RALYL: variants seen among roughly 807,000 people sequenced by gnomAD.
The protein encoded by RALYL is RNA-binding Raly-like protein.
Under a neutral mutation model 35.1 loss-of-function variants are expected in RALYL, and 29 were observed. The ratio of observed to expected loss-of-function variants is 0.83; its 90% CI spans 0.61 to 1.13. RALYL has a LOEUF of 1.13. Among genes scored for constraint, RALYL ranks in the 50% most tolerant of loss-of-function variants. The pLI is 0.00. For synonymous variants in RALYL, 120 were observed against 127.6 expected (o/e 0.94, Z 0.40); for missense variants, 359 against 360.4 (o/e 1.00, Z 0.03).
At chr8:84,354,049 T>C (rs1851398648) in intron 1 of RALYL, among the ~76,000 whole-genome samples, 1 of 138,940 alleles carries the variant, frequency 7.2e-6, no homozygotes, top group South Asian at 2.2e-4. Context: ...AGGGAATCAC[T>C]ATTTTTAAAA....
chr8:84,419,531 T>G (rs1181144696), intron 1 of RALYL, among the ~76,000 whole-genome samples: 1 of 151,816 alleles, frequency 6.6e-6, no homozygotes, highest in Non-Finnish European at 1.5e-5. Context: ...TACTACAAAT[T>G]TATGGTCTTA....
intron 6 of RALYL, among the ~76,000 whole-genome samples, chr8:84,866,456 GCTA>G (rs1839191397): frequency 6.6e-6 from 1 of 152,118 alleles, no homozygotes; most frequent in Non-Finnish European, 1.5e-5. Flanking sequence ...GTTAATTATT[GCTA>G]CTACTATAAT....
intron 2 of RALYL, among the ~76,000 whole-genome samples, chr8:84,567,108 A>G (rs2061834381): frequency 6.6e-6 from 1 of 151,838 alleles, no homozygotes; most frequent in South Asian, 2.1e-4. Flanking sequence ...TTGTTGAGTT[A>G]TATGAGTTAT....
At chr8:84,300,289 G>C (rs944184347) in intron 1 of RALYL, among the ~76,000 whole-genome samples, 1 of 151,910 alleles carries the variant, frequency 6.6e-6, no homozygotes, top group Admixed American at 6.6e-5. Context: ...TTGTTGCACT[G>C]TAGTCTGAGA....
chr8:84,425,113 G>T (rs55746503), intron 1 of RALYL, among the ~76,000 whole-genome samples: 4,183 of 152,320 alleles, frequency 0.027, 88 homozygotes, highest in Non-Finnish European at 0.041. Context: ...GTTTACCTAA[G>T]CAAGCCTGGG....
chr8:84,452,193 A>G (rs915914001), intron 1 of RALYL, among the ~76,000 whole-genome samples: 1 of 150,624 alleles, frequency 6.6e-6, no homozygotes, highest in African/African-American at 2.4e-5. Context: ...GACCTTTCCA[A>G]CTTTGCTCAG....
At chr8:84,497,875 T>C (rs2056235072) in intron 1 of RALYL, among the ~76,000 whole-genome samples, 1 of 151,922 alleles carries the variant, frequency 6.6e-6, no homozygotes, top group African/African-American at 2.4e-5. Flanking sequence ...TCTCCTGACC[T>C]TGTGATCTGC....
At chr8:84,919,271 G>A (rs1198599979) in intron 8 of RALYL, among the ~76,000 whole-genome samples, 1 of 152,006 alleles carries the variant, frequency 6.6e-6, no homozygotes, top group East Asian at 1.9e-4. Context: ...TTGCACACAA[G>A]TGGTATCTAT....
At chr8:84,639,475 A>G (rs1200821498) in intron 2 of RALYL, among the ~76,000 whole-genome samples, 3 of 151,986 alleles carry the variant, frequency 2.0e-5, no homozygotes, top group Non-Finnish European at 2.9e-5. Context: ...GAGGAAAGGT[A>G]TAGTGAAACT....
chr8:84,391,779 A>C (rs1358083137), intron 1 of RALYL, among the ~76,000 whole-genome samples: 1 of 152,024 alleles, frequency 6.6e-6, no homozygotes, highest in African/African-American at 2.4e-5. Context: ...GCTCATTCTG[A>C]GACTTCAGTA....
At position 84,469,409 on chromosome 8, in the gene RALYL, G is replaced by T. The variant is rs375553491; in HGVS notation, c.-23-59890G>T. ...CTGTTGGAGTACCCTGCCGTGTGAG[G>T]TGTCAGTGTGCCCCTGCTGGGGGGT... is the stretch of plus-strand genomic sequence containing the variant. On this transcript the variant is annotated intron_variant, in intron 1 of 8. Coordinates refer to ENST00000521268, the MANE Select transcript of RALYL (RefSeq NM_173848.7). Among the ~76,000 whole-genome samples, 111 of 152,266 alleles carry T rather than the reference G, an allele frequency of 7.3e-4. 1 individual carries two copies. In the East Asian group the frequency reaches 0.019, roughly 26 times the overall value.
intron 1 of RALYL, among the ~76,000 whole-genome samples, chr8:84,335,246 C>G (rs750551428): frequency 6.6e-6 from 1 of 152,136 alleles, no homozygotes; most frequent in African/African-American, 2.4e-5. Context: ...TGGCCTCTTA[C>G]GACATATTCT....
intron 2 of RALYL, among the ~76,000 whole-genome samples, chr8:84,730,053 A>T (rs963436775): frequency 1.3e-5 from 2 of 152,196 alleles, no homozygotes; most frequent in Admixed American, 6.6e-5. Context: ...CATCATCCTG[A>T]TACCAAAGCT....
At chr8:84,398,080 G>A (rs7824561) in intron 1 of RALYL, among the ~76,000 whole-genome samples, 7,381 of 152,232 alleles carry the variant, frequency 0.048, 395 homozygotes, top group African/African-American at 0.13. Context: ...TTTAAGTGTA[G>A]AGAATGGCAC....
At chr8:84,749,925 G>A (rs1461570875) in intron 2 of RALYL, among the ~76,000 whole-genome samples, 2 of 152,160 alleles carry the variant, frequency 1.3e-5, no homozygotes, top group African/African-American at 4.8e-5. Flanking sequence ...GTGGAACCCT[G>A]AGAGGCAGCT....
chr8:84,845,898 C>A (rs1006623684), intron 4 of RALYL, among the ~76,000 whole-genome samples: 1 of 152,060 alleles, frequency 6.6e-6, no homozygotes, highest in African/African-American at 2.4e-5. Flanking sequence ...CTAGGGAGTC[C>A]TTTCCTTATT....
chr8:84,888,685 A>G (rs928782255), intron 8 of RALYL, among the ~76,000 whole-genome samples: 3 of 152,142 alleles, frequency 2.0e-5, no homozygotes, highest in African/African-American at 7.2e-5. Flanking sequence ...CATAGATTCT[A>G]TATTAACTTT....
intron 2 of RALYL, among the ~76,000 whole-genome samples, chr8:84,598,683 C>T (rs896229002): frequency 3.3e-5 from 5 of 152,092 alleles, no homozygotes; most frequent in African/African-American, 1.2e-4. Flanking sequence ...GAGGACTTTA[C>T]ATAATACTAT....
chr8:84,445,511 T>A (rs1348101298), intron 1 of RALYL, among the ~76,000 whole-genome samples: 1 of 151,944 alleles, frequency 6.6e-6, no homozygotes, highest in Non-Finnish European at 1.5e-5. Context: ...TAGTACGTGT[T>A]TTATTTCCTT....
Sources: gnomAD v4.1 joint callset for allele counts (sites outside exome capture counted in the v4.1 genomes callset) on GRCh38, gnomAD v4.1.1 for gene constraint, MANE v1.5 for transcripts, NCBI Gene and HGNC (gene_info 2026-07-23, HGNC 2026-07-21) for gene names.